The following ITGA8 variants were observed in gnomAD, a reference collection of about 807,000 sequenced individuals.
ITGA8 encodes the protein integrin alpha-8.
Under a neutral mutation model 142.3 loss-of-function variants are expected in ITGA8, and 91 were observed. The observed-to-expected ratio is 0.64, with a 90% CI of 0.54 to 0.76. The LOEUF is 0.76. Ranked by LOEUF, ITGA8 falls within the 30% of genes least tolerant of loss-of-function variation. The pLI is 0.00. For missense variants in ITGA8, 1,406 were observed against 1,327.7 expected (o/e 1.06, Z -0.92); for synonymous variants, 505 against 485.2 (o/e 1.04, Z -0.54).
Position 15,558,055 on chromosome 10 carries a change from G to A in ITGA8, c.2766+19C>T. The stretch of plus-strand genomic sequence containing the variant: ...AGCCACTCATTTCCCTCAGTTCTAT[G>A]CACACTGGGATAACTCACCAGTATT... On this transcript the variant is annotated intron_variant, in intron 26 of 29. Transcript: ENST00000378076. 1 of 1,613,220 alleles carries A rather than the reference G, an allele frequency of 6.2e-7. No individual in the cohort carries two copies. Among genetic ancestry groups the A allele is most frequent in the Non-Finnish European group, 8.5e-7 (1 of 1,179,768 alleles).
Position 15,719,542 on chromosome 10 carries a change from TC to T in ITGA8, c.209+20del. The T allele has an allele frequency of 2.6e-6, 4 of 1,533,970 alleles. No individual in the cohort carries two copies. On this transcript the variant is annotated intron_variant, in intron 1 of 29. Coordinates refer to ENST00000378076, the MANE Select transcript of ITGA8 (RefSeq NM_003638.3). ...GAGCGCCTTCGTCCCCGCGCGCACC[TC>T]CCCGGGTCGGGCGACTTACGTGCGG...
intron 24 of ITGA8, among the ~76,000 whole-genome samples, chr10:15,575,237 A>G (rs9333190): frequency 2.3e-3 from 346 of 152,188 alleles, no homozygotes; most frequent in African/African-American, 8.1e-3. Flanking sequence ...AAAAAATACA[A>G]AAATTAGCCA....
chr10:15,609,801 A>T (rs1449810338), intron 15 of ITGA8, among the ~76,000 whole-genome samples: 1 of 152,200 alleles, frequency 6.6e-6, no homozygotes, highest in East Asian at 1.9e-4. Flanking sequence ...ATTAGCTTTT[A>T]TAAAATAAAT....
intron 23 of ITGA8, among the ~76,000 whole-genome samples, chr10:15,578,036 C>T (rs575597891): frequency 5.9e-5 from 9 of 152,028 alleles, no homozygotes; most frequent in East Asian, 3.9e-4. Flanking sequence ...TACCATTTAG[C>T]GGTTTCCCCA....
chr10:15,606,448 C>T (rs766844935), intron 17 of ITGA8, 26 bp from the exon 18 acceptor site: 5 of 1,575,624 alleles, frequency 3.2e-6, no homozygotes, highest in East Asian at 4.6e-5. Context: ...ACAAACTCAA[C>T]AGAGGCTCCA....
intron 27 of ITGA8, among the ~76,000 whole-genome samples, chr10:15,543,707 A>C (rs1337395781): frequency 6.6e-6 from 1 of 152,166 alleles, no homozygotes; most frequent in Non-Finnish European, 1.5e-5. Context: ...GTTAGTGGGG[A>C]TGGAAGATTA....
At chr10:15,592,540 C>T (rs1451044620) in intron 21 of ITGA8, among the ~76,000 whole-genome samples, 1 of 152,194 alleles carries the variant, frequency 6.6e-6, no homozygotes, top group African/African-American at 2.4e-5. Flanking sequence ...GCCTCTTCTC[C>T]TGCCACCTTT....
intron 2 of ITGA8, among the ~76,000 whole-genome samples, chr10:15,706,262 A>G (rs574344451): frequency 6.6e-6 from 1 of 152,204 alleles, no homozygotes; most frequent in Non-Finnish European, 1.5e-5. Context: ...CCATAATGAT[A>G]ACCTACTAAT....
At chr10:15,705,012 T>TTTG (rs765039224) in intron 2 of ITGA8, among the ~76,000 whole-genome samples, 27 of 151,764 alleles carry the variant, frequency 1.8e-4, no homozygotes, top group Non-Finnish European at 2.9e-4. Context: ...TTGTTGTTTG[T>TTTG]TTTTTTAAAG....
In ITGA8 at chr10:15,517,046, T is replaced by A; in HGVS notation, c.*112A>T. On this transcript the variant is annotated 3_prime_UTR_variant, in exon 30 of 30. Coordinates refer to ENST00000378076, the MANE Select transcript of ITGA8 (RefSeq NM_003638.3). ...GTGATGTTTCCAGGGTCCCCTCCAT[T>A]TCCTGGGTCACTGTCAGGTATCAGA... 1 of 676,862 alleles carries A rather than the reference T, an allele frequency of 1.5e-6. No individual in the cohort carries two copies. 41.9% of individuals were successfully genotyped at this position (676,862 alleles called of 1,614,324 possible).
intron 24 of ITGA8, among the ~76,000 whole-genome samples, chr10:15,574,904 TA>T (rs9333274): frequency 0.021 from 3,191 of 151,900 alleles, 64 homozygotes; most frequent in Non-Finnish European, 0.03. Context: ...TCCAAATATT[TA>T]AAAAAATGGA....
At chr10:15,583,691 G>T (rs1834458195) in intron 23 of ITGA8, among the ~76,000 whole-genome samples, 1 of 152,058 alleles carries the variant, frequency 6.6e-6, no homozygotes, top group Non-Finnish European at 1.5e-5. Flanking sequence ...GGCCAAGCTT[G>T]CCAGGGTCTC....
chr10:15,694,059 T>C (rs1303677706), intron 2 of ITGA8, among the ~76,000 whole-genome samples: 2 of 147,964 alleles, frequency 1.4e-5, no homozygotes, highest in African/African-American at 4.9e-5. Context: ...CTTTAATATA[T>C]ACATATTTTT....
At chr10:15,683,169 AT>A (rs1363080158) in intron 4 of ITGA8, among the ~76,000 whole-genome samples, 1 of 152,208 alleles carries the variant, frequency 6.6e-6, no homozygotes, top group Non-Finnish European at 1.5e-5. Context: ...ATCAACAAGA[AT>A]GAAAATCCAT....
In ITGA8 at chr10:15,597,084, C is replaced by T. The variant is rs1311475559; in HGVS notation, c.2211+123G>A. The stretch of plus-strand genomic sequence containing the variant: ...TGAAATCCCACTACTCTGGCAATTT[C>T]CTGCCTAATTTGTTGTTGCTGCTAG... On this transcript the variant is annotated intron_variant, in intron 21 of 29. Coordinates refer to ENST00000378076, the MANE Select transcript of ITGA8 (RefSeq NM_003638.3). 44 of 733,380 alleles carry T rather than the reference C, an allele frequency of 6.0e-5. No individual in the cohort carries two copies. The South Asian group carries it at 6.7e-4, about 11-fold the overall frequency. The allele number at this position is 733,380 out of a possible 1,614,324, so 45.4% of individuals were successfully genotyped here. A position where few individuals can be genotyped will look rare whatever the true frequency, so the allele number is the denominator to read the frequency against.
intron 4 of ITGA8, among the ~76,000 whole-genome samples, chr10:15,682,013 A>G (rs1333270557): frequency 6.6e-6 from 1 of 152,226 alleles, no homozygotes; most frequent in Non-Finnish European, 1.5e-5. Context: ...GGAACATGAC[A>G]CAAACTATGC....
In ITGA8 at chr10:15,514,261, CT is replaced by C. The variant is rs1832924625; in HGVS notation, c.*2896del. On this transcript the variant is annotated 3_prime_UTR_variant, in exon 30 of 30. Transcript: ENST00000378076. ...AATTATGAAGGCAATCGGCAATGCT[CT>C]AACTAGAAGCAGATAACGCTCAGTG... The C allele has an allele frequency of 8.7e-6, 1 of 114,410 alleles. No individual in the cohort carries two copies. The highest frequency in any genetic ancestry group is 1.0e-4 in the Admixed American group (1 of 9,764). 7.1% of individuals were successfully genotyped at this position (114,410 alleles called of 1,614,324 possible).
intron 23 of ITGA8, among the ~76,000 whole-genome samples, chr10:15,581,711 A>G (rs150009691): frequency 2.5e-4 from 38 of 152,370 alleles, no homozygotes; most frequent in African/African-American, 9.1e-4. Context: ...GCAAACAAAA[A>G]ACTACTGGAA....
At chr10:15,641,402 A>G (rs775117091) in intron 13 of ITGA8, among the ~76,000 whole-genome samples, 72 of 152,328 alleles carry the variant, frequency 4.7e-4, no homozygotes, top group Non-Finnish European at 8.2e-4. Context: ...GCAGCTTTCA[A>G]TCAACTGTAA....
Sources: gnomAD v4.1 joint callset for allele counts (sites outside exome capture counted in the v4.1 genomes callset) on GRCh38, gnomAD v4.1.1 for gene constraint, MANE v1.5 for transcripts, NCBI Gene and HGNC (gene_info 2026-07-23, HGNC 2026-07-21) for gene names.